The following SYNC variants were observed in gnomAD, a reference collection of about 807,000 sequenced individuals.
SYNC encodes syncoilin, intermediate filament protein, also known as syncoilin.
Under a neutral mutation model 49.5 loss-of-function variants are expected in SYNC, and 38 were observed. The observed-to-expected ratio is 0.77, with a 90% confidence interval of 0.59 to 1.01. The LOEUF is 1.01. SYNC is among the 50% of genes least tolerant of loss of function. The pLI is 0.00. For missense variants in SYNC, 579 were observed against 580.6 expected (o/e 1.00, Z 0.03); for synonymous variants, 201 against 230.8 (o/e 0.87, Z 1.17).
At chr1:32,693,295 C>T (rs1244789628) in intron 2 of SYNC, among the ~76,000 whole-genome samples, 5 of 152,096 alleles carry the variant, frequency 3.3e-5, no homozygotes, top group African/African-American at 7.2e-5. Flanking sequence ...ATTGGCTATA[C>T]TTGTCTCAAA....
chr1:32,683,245 A>G (rs1649565962), intron 4 of SYNC: 1 of 142,588 alleles, frequency 7.0e-6, no homozygotes, highest in Admixed American at 7.4e-5. Flanking sequence ...CAGCCTGGCA[A>G]CAGAGCAAGA....
At chr1:32,698,557 C>T (rs1650540098) in intron 1 of SYNC, among the ~76,000 whole-genome samples, 1 of 152,048 alleles carries the variant, frequency 6.6e-6, no homozygotes, top group Admixed American at 6.6e-5. Flanking sequence ...TTGTAAGCAA[C>T]ATTTCTTGTT....
intron 2 of SYNC, among the ~76,000 whole-genome samples, chr1:32,692,950 C>A (rs1267756428): frequency 3.3e-5 from 5 of 150,684 alleles, no homozygotes; most frequent in Admixed American, 6.6e-5. Flanking sequence ...TTGCAGTGAG[C>A]CGAGATTGGT....
At position 32,702,534 on chromosome 1, in the gene SYNC, C is replaced by T; in HGVS notation, c.53+74G>A. 1 of 1,152,964 alleles carries T rather than the reference C, an allele frequency of 8.7e-7. No individual in the cohort carries two copies. The highest frequency in any genetic ancestry group is 1.1e-6 in the Non-Finnish European group (1 of 934,968). The allele number at this position is 1,152,964 out of a possible 1,614,324, so 71.4% of individuals were successfully genotyped here. ...TAGACAGGCGAAAGACGCCCGCGGT[C>T]GGGGGGAAAGGGAACCCGTCCAGCA... On this transcript the variant is annotated intron_variant, in intron 1 of 4. Coordinates refer to ENST00000409190, the MANE Select transcript of SYNC (RefSeq NM_030786.3). The surrounding 1 kb of genome is among the most constrained non-coding windows in gnomAD (Gnocchi z 6.2).
chr1:32,689,919 AAC>A (rs1234299083), intron 2 of SYNC, among the ~76,000 whole-genome samples: 1 of 146,298 alleles, frequency 6.8e-6, no homozygotes, highest in Non-Finnish European at 1.5e-5. Context: ...CCAGCCTAGC[AAC>A]AGAGTGAGAC....
intron 1 of SYNC, among the ~76,000 whole-genome samples, chr1:32,698,195 A>T (rs1326807550): frequency 7.8e-6 from 1 of 128,588 alleles, no homozygotes; most frequent in African/African-American, 3.0e-5. Flanking sequence ...AGCCTGGGCG[A>T]CAGACCGGGA....
intron 1 of SYNC, among the ~76,000 whole-genome samples, chr1:32,698,543 G>C (rs1027268644): frequency 2.6e-5 from 4 of 152,034 alleles, no homozygotes; most frequent in African/African-American, 7.2e-5. Context: ...TTCATACCAA[G>C]TGCTTGTAAG....
chr1:32,680,631 G>T lies in SYNC; in HGVS notation c.*1219C>A. 2.4e-6 allele frequency: 3 copies of T among 1,271,602 alleles called. No individual in the cohort carries two copies. The highest frequency in any genetic ancestry group is 4.9e-5 in the Admixed American group (2 of 40,466). 78.8% of individuals were successfully genotyped at this position (1,271,602 alleles called of 1,614,324 possible). ...ACTAACTGTGTAAGTGCTTAAAATG[G>T]AATAAATTGCTTTTCTACATAACCC... is the stretch of plus-strand genomic sequence containing the variant. On this transcript the variant is annotated 3_prime_UTR_variant, in exon 5 of 5. Coordinates refer to ENST00000409190, the MANE Select transcript of SYNC (RefSeq NM_030786.3).
At chr1:32,684,950 T>TA (rs1649718744) in intron 2 of SYNC, 1 of 152,596 alleles carries the variant, frequency 6.6e-6, no homozygotes, top group Non-Finnish European at 1.5e-5. Context: ...GTACTTAACA[T>TA]CATATGGAAA....
At position 32,691,255 on chromosome 1, in the gene SYNC, C is replaced by T. The variant is rs577663421; in HGVS notation, c.1233+3610G>A. 7.2e-5 allele frequency among the ~76,000 whole-genome samples: 10 copies of T among 139,332 alleles called. 1 individual carries two copies. Among genetic ancestry groups the T allele is most frequent in the East Asian group, 2.3e-4 (1 of 4,416 alleles). 91.4% of individuals were successfully genotyped at this position (139,332 alleles called of 152,430 possible). On this transcript the variant is annotated intron_variant, in intron 2 of 4. Transcript: ENST00000409190. ...AAAACAACAAAAAAAATTTGCCAGG[C>T]GTGGCACTGTGCACCTGTAGTCCCA...
At chr1:32,685,476 A>G (rs1242126180) in intron 2 of SYNC, 3 of 152,232 alleles carry the variant, frequency 2.0e-5, no homozygotes, top group Non-Finnish European at 4.4e-5. Context: ...GAAGAATACT[A>G]AGGAATCCAG....
chr1:32,680,987 G>T lies in SYNC; in HGVS notation c.*863C>A, dbSNP rs1649397394. ...GGCAAGATTTAAATTTGGAAAAGGTGCTTGAACCTTTTCTCAGAGGTTTTA... is the reference window on the plus strand; with the variant it reads ...GGCAAGATTTAAATTTGGAAAAGGTTCTTGAACCTTTTCTCAGAGGTTTTA... On this transcript the variant is annotated 3_prime_UTR_variant, in exon 5 of 5. Transcript: ENST00000409190. The T allele has an allele frequency of 6.4e-6, 1 of 156,258 alleles. No individual in the cohort carries two copies. The highest frequency in any genetic ancestry group is 1.4e-5 in the Non-Finnish European group (1 of 70,592). The allele number at this position is 156,258 out of a possible 1,614,324, so 9.7% of individuals were successfully genotyped here.
At chr1:32,686,075 T>C (rs746187427) in intron 2 of SYNC, 1 of 152,188 alleles carries the variant, frequency 6.6e-6, no homozygotes, top group Admixed American at 6.5e-5. Context: ...CTAGTCTCAA[T>C]TGAGATGTAA....
rs1266196347 is a variant in SYNC, at chr1:32,696,010, T to C, written c.88A>G (p.Lys30Glu). 6.5e-7 allele frequency: 1 copy of C among 1,538,900 alleles called. No individual in the cohort carries two copies. Among genetic ancestry groups the C allele is most frequent in the Non-Finnish European group, 8.7e-7 (1 of 1,146,892 alleles). Residue 30 changes from lysine (K) to glutamate (E), a missense_variant, in exon 2 of 5, where the codon AAG becomes GAG. Coordinates refer to ENST00000409190, the MANE Select transcript of SYNC (RefSeq NM_030786.3). ...TRVEANSPLP[K>E]NSGSLNEAEA... ...GCCTCATTTAGGGATCCAGAGTTCTTTGGAAGAGGAGAATTGGCCTCTACT... is the reference window on the plus strand; with the variant it reads ...GCCTCATTTAGGGATCCAGAGTTCTCTGGAAGAGGAGAATTGGCCTCTACT...
chr1:32,687,889 G>A (rs952208902), intron 2 of SYNC, among the ~76,000 whole-genome samples: 16 of 49,850 alleles, frequency 3.2e-4, no homozygotes, highest in South Asian at 7.7e-4. Flanking sequence ...TTGCTCTGTC[G>A]CTCAGGCTGG....
intron 2 of SYNC, among the ~76,000 whole-genome samples, chr1:32,689,473 T>C (rs987724323): frequency 4.0e-5 from 6 of 151,286 alleles, no homozygotes; most frequent in African/African-American, 1.5e-4. Flanking sequence ...ACTCCTGACC[T>C]TGTGATCCAC....
chr1:32,701,898 GGTGA>G (rs923984697), intron 1 of SYNC, among the ~76,000 whole-genome samples: 2 of 152,212 alleles, frequency 1.3e-5, no homozygotes, highest in Admixed American at 6.5e-5. Context: ...CAGCAGTATG[GGTGA>G]GTGTGTGTGT....
chr1:32,682,782 A>G (rs1649534521), intron 4 of SYNC: 1 of 152,122 alleles, frequency 6.6e-6, no homozygotes, highest in African/African-American at 2.4e-5. Context: ...AAAAAAAGAA[A>G]GTTGTGAATT....
At chr1:32,688,175 C>G (rs1158473914) in intron 2 of SYNC, among the ~76,000 whole-genome samples, 1 of 152,036 alleles carries the variant, frequency 6.6e-6, no homozygotes, top group Non-Finnish European at 1.5e-5. Flanking sequence ...TCTTGAAGAG[C>G]CTGAGTATGG....
Sources: gnomAD v4.1 joint callset for allele counts (sites outside exome capture counted in the v4.1 genomes callset) on GRCh38, gnomAD v4.1.1 for gene constraint, Gnocchi (gnomAD v3.1) non-coding constraint, MANE v1.5 for transcripts, NCBI Gene and HGNC (gene_info 2026-07-23, HGNC 2026-07-21) for gene names.